Variants in PCDHAC1 observed in about 807,000 individuals in gnomAD.
PCDHAC1 encodes protocadherin alpha-C1.
In PCDHAC1, 42 loss-of-function variants were observed where a neutral mutation model predicts 60.0. The observed-to-expected ratio is 0.70, with a 90% CI of 0.55 to 0.90. PCDHAC1 has a LOEUF of 0.90. Among genes scored for constraint, PCDHAC1 ranks in the 40% least tolerant of loss-of-function variants. The probability of loss-of-function intolerance (pLI) is 0.00; values close to 1 mark genes in which losing one functional copy is unlikely to be tolerated. For missense variants in PCDHAC1, 1,160 were observed against 1,222.3 expected, an observed-to-expected ratio of 0.95 and a Z score of 0.76; for synonymous variants, 468 against 499.3, an observed-to-expected ratio of 0.94 and a Z score of 0.84.
chr5:141,000,391 C>CTATA (rs2097912428), intron 3 of PCDHAC1, among the ~76,000 whole-genome samples: 2 of 56,664 alleles, frequency 3.5e-5, no homozygotes, highest in Non-Finnish European at 6.1e-5. Context: ...CTCTCTCTCT[C>CTATA]TCTCTATATA....
rs542875982 is a variant in PCDHAC1 at position 140,939,696 on chromosome 5, T to C, written c.2433+10371T>C. On this transcript the variant is annotated intron_variant, in intron 1 of 3. Coordinates refer to ENST00000253807, the MANE Select transcript of PCDHAC1 (RefSeq NM_018898.5). Reference sequence around the variant, plus strand: ...TATGTATGTGTGTGTTGCTGGACATTATCATTTGTGAGATACATTTATATT... The same window carrying C: ...TATGTATGTGTGTGTTGCTGGACATCATCATTTGTGAGATACATTTATATT... Among the ~76,000 whole-genome samples the C allele has an allele frequency of 1.6e-4, 24 of 152,340 alleles. No homozygotes were observed. The East Asian group carries it at 2.7e-3, about 17-fold the overall frequency.
chr5:140,928,798 G>A lies in PCDHAC1; in HGVS notation c.1906G>A (p.Val636Ile), dbSNP rs1015507486. Residue 636 changes from valine (V) to isoleucine (I), a missense_variant, in exon 1 of 4, where the codon GTA (valine) becomes ATA (isoleucine). Val to Ile is a conservative substitution (Grantham distance 29, BLOSUM62 3). This residue lies in a region of PCDHAC1 where 1,113 missense variants were observed against 1,163.7 expected (regional missense o/e 0.96). Transcript: ENST00000253807. ...PTDAVKQRVV[V>I]VVRDHGDPPL... ...TGATGCAGTTAAGCAGAGGGTGGTGGTAGTGGTTCGGGACCATGGAGACCC... is the reference window on the plus strand; with the variant it reads ...TGATGCAGTTAAGCAGAGGGTGGTGATAGTGGTTCGGGACCATGGAGACCC... 2.4e-5 allele frequency: 38 copies of A among 1,614,046 alleles called. No homozygotes were observed. Among genetic ancestry groups the A allele is most frequent in the Non-Finnish European group, 3.2e-5 (38 of 1,180,052 alleles).
At chr5:140,978,422 T>C (rs1554239303) in intron 1 of PCDHAC1, among the ~76,000 whole-genome samples, 2 of 152,218 alleles carry the variant, frequency 1.3e-5, no homozygotes, top group Non-Finnish European at 2.9e-5. Flanking sequence ...AAGAGACTGT[T>C]ATCAGTTGCT....
At chr5:140,989,546 CT>C (rs1343132361) in intron 3 of PCDHAC1, among the ~76,000 whole-genome samples, 1 of 152,140 alleles carries the variant, frequency 6.6e-6, no homozygotes, top group African/African-American at 2.4e-5. Context: ...TTTGTAATTC[CT>C]TTACGTTTTG....
intron 3 of PCDHAC1, among the ~76,000 whole-genome samples, chr5:140,996,592 C>T (rs2097733979): frequency 6.7e-6 from 1 of 149,052 alleles, no homozygotes; most frequent in African/African-American, 2.4e-5. Context: ...AGGGCCGCCT[C>T]CCCCCATTTT....
chr5:140,990,822 C>G (rs1273714328), intron 3 of PCDHAC1, among the ~76,000 whole-genome samples: 1 of 152,204 alleles, frequency 6.6e-6, no homozygotes. Flanking sequence ...CTTCTCTCAG[C>G]TAAAGCCTAT....
At chr5:140,953,058 C>T (rs1186621578) in intron 1 of PCDHAC1, among the ~76,000 whole-genome samples, 1 of 152,202 alleles carries the variant, frequency 6.6e-6, no homozygotes, top group African/African-American at 2.4e-5. Flanking sequence ...TCACCTCTCA[C>T]AGGCCCCATC....
At chr5:140,931,744 C>G (rs2087714665) in intron 1 of PCDHAC1, among the ~76,000 whole-genome samples, 5 of 151,904 alleles carry the variant, frequency 3.3e-5, no homozygotes, top group Admixed American at 3.3e-4. Flanking sequence ...TTGTAATTCA[C>G]AAAGGCATTT....
At chr5:140,930,013 G>A (rs2086530432) in intron 1 of PCDHAC1, 1 of 152,118 alleles carries the variant, frequency 6.6e-6, no homozygotes, top group Admixed American at 6.5e-5. Context: ...ATAGCTGATA[G>A]CTCCATAGCA....
At chr5:141,002,797 G>A (rs1025670333) in intron 3 of PCDHAC1, among the ~76,000 whole-genome samples, 2 of 152,190 alleles carry the variant, frequency 1.3e-5, no homozygotes, top group African/African-American at 4.8e-5. Context: ...TATGGATGAG[G>A]AAACTGAGGC....
At chr5:140,998,696 C>G (rs1587806526) in intron 3 of PCDHAC1, among the ~76,000 whole-genome samples, 1 of 152,182 alleles carries the variant, frequency 6.6e-6, no homozygotes, top group East Asian at 1.9e-4. Flanking sequence ...TCCCAAGTAG[C>G]TGGGATTACA....
intron 1 of PCDHAC1, among the ~76,000 whole-genome samples, chr5:140,935,284 A>G (rs576807866): frequency 6.6e-6 from 1 of 152,340 alleles, no homozygotes; most frequent in South Asian, 2.1e-4. Context: ...AATAAAGTTC[A>G]GCACTCCGAG....
chr5:140,965,331 G>T (rs2153743444), intron 1 of PCDHAC1, among the ~76,000 whole-genome samples: 1 of 152,252 alleles, frequency 6.6e-6, no homozygotes, highest in Non-Finnish European at 1.5e-5. Context: ...AAGTGAATTT[G>T]TTGTCTCTGT....
intron 2 of PCDHAC1, 125 bp downstream of exon 2, chr5:140,979,132 A>T: frequency 4.8e-6 from 7 of 1,471,500 alleles, no homozygotes; most frequent in Non-Finnish European, 6.3e-6. Context: ...TGCCAGGAAA[A>T]TGCAATTATT....
chr5:141,008,597 C>T (rs1485271666), intron 3 of PCDHAC1, among the ~76,000 whole-genome samples: 1 of 152,224 alleles, frequency 6.6e-6, no homozygotes, highest in East Asian at 1.9e-4. Flanking sequence ...GATTTCACCT[C>T]CTCTGGAACC....
At chr5:140,982,275 A>G (rs1315034472) in intron 2 of PCDHAC1, 200 bp from the exon 3 acceptor site, 3 of 951,630 alleles carry the variant, frequency 3.2e-6, no homozygotes, top group Non-Finnish European at 4.5e-6. Context: ...GGAATAGTAT[A>G]GCAGGCAATA....
chr5:141,007,524 C>T (rs2098334216), intron 3 of PCDHAC1, among the ~76,000 whole-genome samples: 1 of 151,984 alleles, frequency 6.6e-6, no homozygotes, highest in African/African-American at 2.4e-5. Context: ...GCTGATATCT[C>T]GCCACTGCAC....
At chr5:140,974,040 T>C (rs1554235767) in intron 1 of PCDHAC1, among the ~76,000 whole-genome samples, 2 of 152,260 alleles carry the variant, frequency 1.3e-5, no homozygotes, top group African/African-American at 4.8e-5. Context: ...TTTAGCTTAT[T>C]AATATGATAA....
intron 1 of PCDHAC1, among the ~76,000 whole-genome samples, chr5:140,974,994 A>G (rs901871984): frequency 6.6e-6 from 1 of 152,126 alleles, no homozygotes; most frequent in South Asian, 2.1e-4. Context: ...AGGTATTCTC[A>G]AGGCTGAAAT....
Sources: allele counts gnomAD v4.1 joint callset (sites outside exome capture counted in the v4.1 genomes callset), GRCh38; gene constraint gnomAD v4.1.1; regional missense constraint gnomAD v4.1.1; transcripts MANE v1.5; gene names NCBI Gene and HGNC (gene_info 2026-07-23, HGNC 2026-07-21).